The following RYR3 variants were observed in gnomAD, a reference collection of about 807,000 sequenced individuals.
RYR3 encodes the protein ryanodine receptor 3.
In RYR3, 207 loss-of-function variants were observed where a neutral mutation model predicts 584.3. That is an observed-to-expected ratio of 0.35 (90% CI 0.32 to 0.40). The LOEUF (loss-of-function observed/expected upper bound fraction) is 0.40. Among genes scored for constraint, RYR3 ranks in the 10% least tolerant of loss-of-function variants. The pLI, the probability that RYR3 is intolerant of heterozygous loss-of-function variation, is 1.00. For synonymous variants in RYR3, 2,416 were observed against 2,248.5 expected (o/e 1.07, Z -2.11); for missense variants, 5,616 against 6,089.2 (o/e 0.92, Z 2.59).
At chr15:33,418,720 C>T (rs1230405766) in intron 1 of RYR3, among the ~76,000 whole-genome samples, 1 of 152,058 alleles carries the variant, frequency 6.6e-6, no homozygotes, top group African/African-American at 2.4e-5. Context: ...AGATAGACAT[C>T]CCAGAAAAAC....
chr15:33,371,097 C>T (rs2040299921), intron 1 of RYR3, among the ~76,000 whole-genome samples: 1 of 152,172 alleles, frequency 6.6e-6, no homozygotes, highest in Non-Finnish European at 1.5e-5. Flanking sequence ...ACATATTTAG[C>T]AAAAGCGTTC....
At chr15:33,688,415 TACA>T (rs2065168908) in intron 38 of RYR3, among the ~76,000 whole-genome samples, 1 of 151,306 alleles carries the variant, frequency 6.6e-6, no homozygotes, top group Non-Finnish European at 1.5e-5. Flanking sequence ...CTACTAAAAA[TACA>T]AAAAATTAGC....
intron 1 of RYR3, among the ~76,000 whole-genome samples, chr15:33,338,669 C>A (rs965183103): frequency 6.6e-6 from 1 of 152,088 alleles, no homozygotes. Flanking sequence ...GGCAGGTTTT[C>A]GTGACCCAGT....
At chr15:33,596,494 T>TGG (rs1567624147) in intron 16 of RYR3, among the ~76,000 whole-genome samples, 18 of 55,550 alleles carry the variant, frequency 3.2e-4, no homozygotes, top group African/African-American at 1.3e-3. Context: ...TGTTCTTTTT[T>TGG]TGGGGGGGGG....
intron 43 of RYR3, among the ~76,000 whole-genome samples, chr15:33,719,124 C>G (rs983310677): frequency 2.6e-5 from 4 of 152,126 alleles, no homozygotes; most frequent in African/African-American, 9.7e-5. Flanking sequence ...TCCTTGGTCC[C>G]CTGTCTAATT....
intron 1 of RYR3, among the ~76,000 whole-genome samples, chr15:33,356,361 T>C (rs1973974055): frequency 6.6e-6 from 1 of 152,186 alleles, no homozygotes; most frequent in Non-Finnish European, 1.5e-5. Flanking sequence ...CAGTCGTTAG[T>C]GTTATTTTTG....
Position 33,838,417 on chromosome 15 carries a change from G to A in RYR3, c.12437G>A (p.Cys4146Tyr). ...CCGGCCTCTGCATTTGCTATGGCCT[G>A]TGCCTCTGTGAAGAGGAATGTCACC... ...LEPASAFAMA[C>Y]ASVKRNVTDF... The change falls in exon 89 of 104, where the codon TGT (cysteine) becomes TAT (tyrosine). Residue 4146 changes from cysteine (C) to tyrosine (Y), a missense_variant. Physicochemically the swap from Cys to Tyr is radical, Grantham distance 194. This residue lies in a region of RYR3 where 918 missense variants were observed against 887.4 expected (regional missense o/e 1.03). Transcript: ENST00000634891. 3 of 1,614,026 alleles carry A rather than the reference G, an allele frequency of 1.9e-6. No homozygotes were observed. Among genetic ancestry groups the A allele is most frequent in the Non-Finnish European group, 2.5e-6 (3 of 1,179,892 alleles).
chr15:33,861,653 C>G (rs1414903198), intron 102 of RYR3, among the ~76,000 whole-genome samples: 1 of 152,156 alleles, frequency 6.6e-6, no homozygotes, highest in African/African-American at 2.4e-5. Flanking sequence ...AGGCTTTCCT[C>G]CCACTACATC....
intron 60 of RYR3, among the ~76,000 whole-genome samples, chr15:33,765,611 C>T (rs949807546): frequency 1.3e-4 from 16 of 118,860 alleles, no homozygotes; most frequent in Non-Finnish European, 1.3e-4. Flanking sequence ...CCAGCCTCGC[C>T]AATAGAGTGA....
At chr15:33,562,457 A>T (rs7162287) in intron 10 of RYR3, among the ~76,000 whole-genome samples, 3,664 of 152,328 alleles carry the variant, frequency 0.024, 139 homozygotes, top group African/African-American at 0.08. Context: ...ATTATGGAAG[A>T]TGTCACTCGC....
chr15:33,780,379 T>C lies in RYR3; in HGVS notation c.9268+38T>C, dbSNP rs1253413883. ...CCTCAAAGGTCATCAACCCATTTCA[T>C]GTGCTGAGAGGAGAGGAGCCACACA... On this transcript the variant is annotated intron_variant, in intron 65 of 103. Coordinates refer to ENST00000634891, the MANE Select transcript of RYR3 (RefSeq NM_001036.6). The C allele has an allele frequency of 6.8e-6, 11 of 1,607,802 alleles. No individual in the cohort carries two copies. The African/African-American group carries it at 1.1e-4, about 16-fold the overall frequency.
chr15:33,806,306 T>G (rs2076204762), intron 69 of RYR3, among the ~76,000 whole-genome samples: 1 of 152,192 alleles, frequency 6.6e-6, no homozygotes, highest in Non-Finnish European at 1.5e-5. Flanking sequence ...TAGTTTATGA[T>G]GTAAGCGTGG....
intron 1 of RYR3, among the ~76,000 whole-genome samples, chr15:33,422,480 G>T (rs1197415708): frequency 6.6e-6 from 1 of 152,194 alleles, no homozygotes; most frequent in Non-Finnish European, 1.5e-5. Flanking sequence ...TTGGAATATT[G>T]TGATTGCCAT....
At chr15:33,852,017 A>C (rs2079153003) in intron 94 of RYR3, 1 of 151,314 alleles carries the variant, frequency 6.6e-6, no homozygotes, top group Admixed American at 6.6e-5. Context: ...CAAAAAAAAA[A>C]AACATTTTTT....
At chr15:33,590,174 G>T (rs1440843244) in intron 16 of RYR3, among the ~76,000 whole-genome samples, 1 of 152,134 alleles carries the variant, frequency 6.6e-6, no homozygotes, top group Non-Finnish European at 1.5e-5. Flanking sequence ...GTTAAGGTGG[G>T]GCAGGAACAA....
intron 1 of RYR3, among the ~76,000 whole-genome samples, chr15:33,466,089 C>A (rs186894612): frequency 6.6e-6 from 1 of 152,138 alleles, no homozygotes; most frequent in African/African-American, 2.4e-5. Flanking sequence ...AAACACAAGT[C>A]GAGTTCAGAG....
chr15:33,594,581 C>T (rs1427278213), intron 16 of RYR3, among the ~76,000 whole-genome samples: 3 of 152,158 alleles, frequency 2.0e-5, no homozygotes, highest in African/African-American at 7.2e-5. Flanking sequence ...CGTTTGATAG[C>T]CATGAACATT....
intron 1 of RYR3, among the ~76,000 whole-genome samples, chr15:33,434,743 T>C (rs2045507281): frequency 6.6e-6 from 1 of 152,132 alleles, no homozygotes; most frequent in Admixed American, 6.5e-5. Flanking sequence ...CCAGAATGTG[T>C]CATTCTCTTC....
chr15:33,778,651 G>T (rs962593423), intron 64 of RYR3, among the ~76,000 whole-genome samples: 1 of 152,200 alleles, frequency 6.6e-6, no homozygotes, highest in African/African-American at 2.4e-5. Context: ...TGAAAGCTTC[G>T]CCAATATCAC....
Sources: gnomAD v4.1 joint callset for allele counts (sites outside exome capture counted in the v4.1 genomes callset) on GRCh38, gnomAD v4.1.1 for gene constraint, gnomAD v4.1.1 regional missense constraint, MANE v1.5 for transcripts, NCBI Gene and HGNC (gene_info 2026-07-23, HGNC 2026-07-21) for gene names.